PSAP: variants seen among roughly 807,000 people sequenced by gnomAD.
PSAP encodes the protein prosaposin, also known as precursor of saposins.
Under a neutral mutation model 66.0 loss-of-function variants are expected in PSAP, and 25 were observed. The ratio of observed to expected loss-of-function variants is 0.38; its 90% CI spans 0.28 to 0.53. The LOEUF (loss-of-function observed/expected upper bound fraction) is 0.53. Ranked by LOEUF, PSAP falls within the 20% of genes least tolerant of loss-of-function variation. The pLI, the probability that PSAP is intolerant of heterozygous loss-of-function variation, is 0.83. For missense variants in PSAP, 649 were observed against 668.8 expected, an observed-to-expected ratio of 0.97 and a Z score of 0.33; for synonymous variants, 273 against 258.9, an observed-to-expected ratio of 1.05 and a Z score of -0.52.
chr10:71,837,682 T>G (rs925145122), intron 1 of PSAP, among the ~76,000 whole-genome samples: 25 of 152,154 alleles, frequency 1.6e-4, no homozygotes. Context: ...GACATCTAAG[T>G]AATGGTGTGT....
Position 71,817,254 on chromosome 10 carries a change from A to T in PSAP, c.*187T>A. ...AGAGAAAAGGGGCACTGAAGCAGCT[A>T]TGTCTGCCAGGGGCTAGGGGCTCCC... On this transcript the variant is annotated 3_prime_UTR_variant, in exon 14 of 14. Coordinates refer to ENST00000394936, the MANE Select transcript of PSAP (RefSeq NM_002778.4). 1 of 730,146 alleles carries T rather than the reference A, an allele frequency of 1.4e-6. No individual in the cohort carries two copies. Among genetic ancestry groups the T allele is most frequent in the Admixed American group, 1.9e-5 (1 of 52,328 alleles). 45.2% of individuals were successfully genotyped at this position (730,146 alleles called of 1,614,324 possible).
In PSAP at chr10:71,821,883, G is replaced by A. The variant is rs759402008; in HGVS notation, c.902C>T (p.Pro301Leu). 44 of 1,614,038 alleles carry A rather than the reference G, an allele frequency of 2.7e-5. No homozygotes were observed. The African/African-American group carries it at 5.6e-4, about 21-fold the overall frequency. Residue 301 changes from proline (P) to leucine (L), a missense_variant, in exon 8 of 14, where the codon CCC becomes CTC. Pro to Leu is a moderately conservative substitution (Grantham distance 98). Transcript: ENST00000394936. Reference sequence around the variant, plus strand: ...CAAAGTGACACCAGGTACCTTAATGGGCTCCACCAGTTCCAGGGCAGGGAT... The same window carrying A: ...CAAAGTGACACCAGGTACCTTAATGAGCTCCACCAGTTCCAGGGCAGGGAT... Reference protein sequence around the residue: ...NVIPALELVEPIKKHEVPAKS... With the variant: ...NVIPALELVELIKKHEVPAKS...
intron 2 of PSAP, among the ~76,000 whole-genome samples, chr10:71,832,409 G>GC (rs930136422): frequency 2.6e-5 from 4 of 152,112 alleles, no homozygotes; most frequent in African/African-American, 9.7e-5. Context: ...TGGCACCAAG[G>GC]CCCCCACCTG....
At chr10:71,841,902 A>T (rs1842739747) in intron 1 of PSAP, among the ~76,000 whole-genome samples, 1 of 151,934 alleles carries the variant, frequency 6.6e-6, no homozygotes, top group Non-Finnish European at 1.5e-5. Context: ...GCTACTCAAG[A>T]GGCTGAGGCA....
chr10:71,836,148 A>G (rs142197347), intron 1 of PSAP, among the ~76,000 whole-genome samples: 147 of 152,332 alleles, frequency 9.6e-4, no homozygotes, highest in African/African-American at 3.2e-3. Flanking sequence ...GTCCCCTGGG[A>G]GCAAAATCAC....
chr10:71,817,222 C>G lies in PSAP; in HGVS notation c.*219G>C. On this transcript the variant is annotated 3_prime_UTR_variant, in exon 14 of 14. Transcript: ENST00000394936. ...AGACCTCCAGTGCATCAACATCCAT[C>G]TAGCAGAGAGAAAAGGGGCACTGAA... The G allele has an allele frequency of 1.5e-6, 1 of 651,252 alleles. No individual in the cohort carries two copies. Among genetic ancestry groups the G allele is most frequent in the Non-Finnish European group, 2.8e-6 (1 of 362,902 alleles). 40.3% of individuals were successfully genotyped at this position (651,252 alleles called of 1,614,324 possible). A position where few individuals can be genotyped will look rare whatever the true frequency, so the allele number is the denominator to read the frequency against.
Position 71,825,768 on chromosome 10 carries a change from A to G in PSAP, c.777+69T>C, listed in dbSNP as rs1842390339. 2.1e-6 allele frequency: 3 copies of G among 1,460,040 alleles called. No individual in the cohort carries two copies. The African/African-American group carries it at 4.2e-5, about 20-fold the overall frequency. The allele number at this position is 1,460,040 out of a possible 1,614,324, so 90.4% of individuals were successfully genotyped here. On this transcript the variant is annotated intron_variant, in intron 7 of 13. Coordinates refer to ENST00000394936, the MANE Select transcript of PSAP (RefSeq NM_002778.4). ...GGGAAACTAAACCATATAATTTTCAAAATTCCTAGAAATGACGAAACCTGA... is the reference window on the plus strand; with the variant it reads ...GGGAAACTAAACCATATAATTTTCAGAATTCCTAGAAATGACGAAACCTGA...
At position 71,819,578 on chromosome 10, in the gene PSAP, T is replaced by G. The variant is rs1842252284; in HGVS notation, c.1237A>C (p.Lys413Gln). ...PKDGGFCEVC[K>Q]KLVGYLDRNL... Reference sequence around the variant, plus strand: ...CGATCCAAATAACCCACCAGCTTCTTGCACACTTCGCAGAAGCCACCGTCC... The same window carrying G: ...CGATCCAAATAACCCACCAGCTTCTGGCACACTTCGCAGAAGCCACCGTCC... Residue 413 changes from lysine (K) to glutamine (Q), a missense_variant, in exon 11 of 14, where the codon AAG (lysine) becomes CAG (glutamine). Lys to Gln is a moderately conservative substitution (Grantham distance 53). Coordinates refer to ENST00000394936, the MANE Select transcript of PSAP (RefSeq NM_002778.4). The G allele has an allele frequency of 6.2e-7, 1 of 1,614,086 alleles. No homozygotes were observed.
intron 1 of PSAP, among the ~76,000 whole-genome samples, chr10:71,841,510 G>A (rs1842733145): frequency 6.6e-6 from 1 of 152,170 alleles, no homozygotes; most frequent in South Asian, 2.1e-4. Context: ...GACTGGCCCA[G>A]AATTCCGATT....
At position 71,834,473 on chromosome 10, in the gene PSAP, A is replaced by G. The variant is rs376203880; in HGVS notation, c.73T>C (p.Cys25Arg). 5 of 1,613,938 alleles carry G rather than the reference A, an allele frequency of 3.1e-6. No individual in the cohort carries two copies. The African/African-American group carries it at 6.7e-5, about 22-fold the overall frequency. Reference protein sequence around the residue: ...LAGPVLGLKECTRGSAVWCQN... With the variant: ...LAGPVLGLKERTRGSAVWCQN... The stretch of plus-strand genomic sequence containing the variant: ...CACCACACTGCCGAGCCCCTGGTGC[A>G]TTCTTTCAGTCCAAGGACCGGGCCG... The change falls in exon 2 of 14, where the codon TGC becomes CGC. Residue 25 changes from cysteine (C) to arginine (R), a missense_variant. Transcript: ENST00000394936.
rs78481657 is a variant in PSAP at position 71,825,276 on chromosome 10, A to G, written c.777+561T>C. On this transcript the variant is annotated intron_variant, in intron 7 of 13. Transcript: ENST00000394936. ...TCTAAGGAGGCAGTGCCCGTTCCCA[A>G]CGTGAGCAGGCCGCCCTGCTCTGCG... Among the ~76,000 whole-genome samples the G allele has an allele frequency of 4.7e-3, 719 of 152,286 alleles. 6 individuals are homozygous for G. The highest frequency in any genetic ancestry group is 0.017 in the African/African-American group (689 of 41,556).
rs371005335 is a variant in PSAP, at chr10:71,833,796, T to C, written c.174+576A>G. Among the ~76,000 whole-genome samples, 502 of 152,330 alleles carry C rather than the reference T, an allele frequency of 3.3e-3. No homozygotes were observed. The Middle Eastern group carries it at 0.037, about 11-fold the overall frequency. On this transcript the variant is annotated intron_variant, in intron 2 of 13. Coordinates refer to ENST00000394936, the MANE Select transcript of PSAP (RefSeq NM_002778.4). ...TACGCTACATTTAGCATTATTTAGA[T>C]GAAAAATCAGTGCTAGCTTCCTCAG... is the stretch of plus-strand genomic sequence containing the variant.
At chr10:71,844,331 T>C (rs1207564067) in intron 1 of PSAP, among the ~76,000 whole-genome samples, 1 of 152,170 alleles carries the variant, frequency 6.6e-6, no homozygotes, top group African/African-American at 2.4e-5. Context: ...CAGGCTGTAA[T>C]AGAAAAAACT....
At chr10:71,820,501 C>A (rs1429237180) in intron 8 of PSAP, among the ~76,000 whole-genome samples, 166 bp from the exon 9 acceptor site, 1 of 152,102 alleles carries the variant, frequency 6.6e-6, no homozygotes, top group African/African-American at 2.4e-5. Flanking sequence ...CAAGTTAATT[C>A]CCTATTTTTA....
Position 71,834,488 on chromosome 10 carries a change from G to C in PSAP, c.58C>G (p.Leu20Val). ...LLGAALAGPV[L>V]GLKECTRGSA... ...CCCCTGGTGCATTCTTTCAGTCCAA[G>C]GACCGGGCCGGCTAGAGCTAAAATG... Residue 20 changes from leucine to valine, a missense_variant, in exon 2 of 14, where the codon CTT becomes GTT. Leu to Val is a conservative substitution (Grantham distance 32). Transcript: ENST00000394936. 1 of 1,614,052 alleles carries C rather than the reference G, an allele frequency of 6.2e-7. No homozygotes were observed. Among genetic ancestry groups the C allele is most frequent in the Non-Finnish European group, 8.5e-7 (1 of 1,179,980 alleles).
rs757491990 is a variant in PSAP, at chr10:71,837,566, G to A, written c.41-3061C>T. On this transcript the variant is annotated intron_variant, in intron 1 of 13. Transcript: ENST00000394936. Reference sequence around the variant, plus strand: ...ACACAAGCAGGTAAACAACCCAGCTGAAGGCATGGCTACCAGCTCCACTGA... The same window carrying A: ...ACACAAGCAGGTAAACAACCCAGCTAAAGGCATGGCTACCAGCTCCACTGA... Among the ~76,000 whole-genome samples the A allele has an allele frequency of 6.6e-5, 10 of 152,232 alleles. No individual in the cohort carries two copies. In the South Asian group the frequency reaches 8.3e-4, roughly 13 times the overall value.
At chr10:71,830,514 G>C (rs1413593122) in intron 4 of PSAP, among the ~76,000 whole-genome samples, 1 of 152,156 alleles carries the variant, frequency 6.6e-6, no homozygotes, top group Non-Finnish European at 1.5e-5. Context: ...CCTTGAAGAT[G>C]GCCTAGGAGG....
chr10:71,831,798 G>A, intron 3 of PSAP, 48 bp downstream of exon 3: 1 of 1,560,836 alleles, frequency 6.4e-7, no homozygotes. Flanking sequence ...TTAGGAACCA[G>A]TGCACGTGCC....
In PSAP at chr10:71,830,282, T is replaced by C. The variant is rs566628198; in HGVS notation, c.375+844A>G. On this transcript the variant is annotated intron_variant, in intron 4 of 13. Transcript: ENST00000394936. ...GACATTTATAGCTCTTCCTCTCCTATACATCCCCCTCATGAGCAAGTCCAG... is the reference window on the plus strand; with the variant it reads ...GACATTTATAGCTCTTCCTCTCCTACACATCCCCCTCATGAGCAAGTCCAG... Among the ~76,000 whole-genome samples, 214 of 152,304 alleles carry C rather than the reference T, an allele frequency of 1.4e-3. 2 individuals are homozygous for C. Among genetic ancestry groups the C allele is most frequent in the Non-Finnish European group, 7.5e-4 (51 of 68,030 alleles).
Sources: gnomAD v4.1 joint callset for allele counts (sites outside exome capture counted in the v4.1 genomes callset) on GRCh38, gnomAD v4.1.1 for gene constraint, MANE v1.5 for transcripts, NCBI Gene and HGNC (gene_info 2026-07-23, HGNC 2026-07-21) for gene names.